DNAH3: variants seen among roughly 807,000 people sequenced by gnomAD.
DNAH3 encodes axonemal beta dynein heavy chain 3.
DNAH3 carries 332 observed loss-of-function variants against 432.5 expected under a neutral mutation model. The observed-to-expected ratio is 0.77, with a 90% CI of 0.70 to 0.84. The LOEUF (loss-of-function observed/expected upper bound fraction) is 0.84. Ranked by LOEUF, DNAH3 falls within the 40% of genes least tolerant of loss-of-function variation. DNAH3 has a pLI of 0.00. For missense variants in DNAH3, 4,861 were observed against 5,114.0 expected (o/e 0.95, Z 1.51); for synonymous variants, 1,956 against 1,900.2 (o/e 1.03, Z -0.76).
At chr16:20,985,114 A>T (rs1160360540) in exon 48 of DNAH3, 1 of 1,614,098 alleles carries the variant, frequency 6.2e-7, no homozygotes, top group South Asian at 1.1e-5. Flanking sequence ...AAGAGGAGTG[A>T]CTTCAACCTT....
intron 59 of DNAH3, among the ~76,000 whole-genome samples, chr16:20,938,428 G>C (rs1020578890): frequency 1.7e-4 from 26 of 151,564 alleles, no homozygotes; most frequent in Admixed American, 1.7e-3. Context: ...ATTCAGACAT[G>C]TGTTTGCTAA....
chr16:21,106,758 T>C, intron 14 of DNAH3, 84 bp from the exon 15 acceptor site: 1 of 1,177,694 alleles, frequency 8.5e-7, no homozygotes, highest in Non-Finnish European at 1.1e-6. Context: ...AGACTCCATG[T>C]TCAAAATACA....
At chr16:21,028,681 T>A (rs1300477840) in intron 37 of DNAH3, among the ~76,000 whole-genome samples, 3 of 150,910 alleles carry the variant, frequency 2.0e-5, no homozygotes, top group Non-Finnish European at 4.4e-5. Flanking sequence ...AGAAAAATCA[T>A]CAGAATTTCT....
At chr16:21,114,361 G>A (rs1597402410) in intron 12 of DNAH3, among the ~76,000 whole-genome samples, 1 of 79,194 alleles carries the variant, frequency 1.3e-5, no homozygotes, top group Non-Finnish European at 2.6e-5. Context: ...TGGCTGGACA[G>A]TTTCCCCAAA....
Position 21,058,208 on chromosome 16 carries a change from C to G in DNAH3, c.3814-12G>C. The G allele has an allele frequency of 6.6e-7, 1 of 1,520,728 alleles. No homozygotes were observed. The highest frequency in any genetic ancestry group is 9.1e-7 in the Non-Finnish European group (1 of 1,095,012). 94.2% of individuals were successfully genotyped at this position (1,520,728 alleles called of 1,614,324 possible). The stretch of plus-strand genomic sequence containing the variant: ...TGATTTCGAGGGACCTGGAAAAGCA[C>G]AGTGGGCATGTTATAGGATCAGTTC... On this transcript the variant is annotated splice_polypyrimidine_tract_variant and intron_variant, in intron 26 of 61. Transcript: ENST00000261383.
intron 57 of DNAH3, among the ~76,000 whole-genome samples, chr16:20,945,244 C>T (rs1275135636): frequency 6.6e-6 from 1 of 152,170 alleles, no homozygotes; most frequent in African/African-American, 2.4e-5. Context: ...AATGCATTAG[C>T]ATGCTATGAG....
chr16:21,020,086 T>A (rs575916242), intron 40 of DNAH3, among the ~76,000 whole-genome samples: 1 of 150,550 alleles, frequency 6.6e-6, no homozygotes, highest in African/African-American at 2.4e-5. Flanking sequence ...AGTGGTGCAG[T>A]CACAGCTCAC....
At chr16:21,154,932 ATCT>A (rs997047427) in intron 1 of DNAH3, among the ~76,000 whole-genome samples, 2 of 149,796 alleles carry the variant, frequency 1.3e-5, no homozygotes, top group Non-Finnish European at 3.0e-5. Context: ...AAGTTTCTCA[ATCT>A]TCTTTTTCTT....
chr16:20,970,262 T>C (rs2085278136), intron 51 of DNAH3, among the ~76,000 whole-genome samples: 1 of 152,208 alleles, frequency 6.6e-6, no homozygotes, highest in African/African-American at 2.4e-5. Context: ...CAGTAGCTCA[T>C]GCCTGTAATC....
exon 50 of DNAH3, chr16:20,979,495 G>C (rs749092540): frequency 6.2e-7 from 1 of 1,614,074 alleles, no homozygotes; most frequent in Non-Finnish European, 8.5e-7. Flanking sequence ...TGTAATAATC[G>C]AGTGACAGCT....
intron 20 of DNAH3, among the ~76,000 whole-genome samples, chr16:21,080,327 T>G (rs1439160673): frequency 6.7e-6 from 1 of 148,464 alleles, no homozygotes; most frequent in African/African-American, 2.5e-5. Flanking sequence ...TAAAATAAAG[T>G]TTCTAGTAGC....
intron 1 of DNAH3, 88 bp from the exon 2 acceptor site, chr16:21,150,622 CA>C: frequency 5.3e-6 from 1 of 189,872 alleles, no homozygotes; most frequent in South Asian, 1.0e-4. Flanking sequence ...CCTAGTCCCC[CA>C]GCGGTGGCCA....
chr16:20,946,426 T>C (rs955778739), intron 57 of DNAH3, among the ~76,000 whole-genome samples: 2 of 152,144 alleles, frequency 1.3e-5, no homozygotes, highest in Admixed American at 1.3e-4. Context: ...CTCCCTAAAA[T>C]GTATAAAATC....
intron 14 of DNAH3, among the ~76,000 whole-genome samples, chr16:21,110,531 T>C (rs987405920): frequency 1.1e-4 from 17 of 152,140 alleles, no homozygotes; most frequent in Admixed American, 4.6e-4. Context: ...GAGAGAGGAA[T>C]TGCATCCTAA....
At chr16:21,028,072 G>A (rs544297822) in intron 37 of DNAH3, among the ~76,000 whole-genome samples, 37 of 152,130 alleles carry the variant, frequency 2.4e-4, no homozygotes, top group African/African-American at 8.9e-4. Flanking sequence ...CTCCATCCTC[G>A]ACCTTTGGGG....
chr16:21,142,836 T>C (rs968338670), intron 3 of DNAH3, among the ~76,000 whole-genome samples: 2 of 152,084 alleles, frequency 1.3e-5, no homozygotes, highest in African/African-American at 4.8e-5. Context: ...CTATCTTTTG[T>C]AGAGACGGGG....
At chr16:21,112,952 C>A (rs1008016260) in intron 12 of DNAH3, among the ~76,000 whole-genome samples, 3 of 152,130 alleles carry the variant, frequency 2.0e-5, no homozygotes. Flanking sequence ...ACCTGTACCC[C>A]CATTGTATCT....
chr16:21,106,386 CT>C, intron 15 of DNAH3, 103 bp downstream of exon 15: 1 of 978,908 alleles, frequency 1.0e-6, no homozygotes, highest in Non-Finnish European at 1.4e-6. Flanking sequence ...CACTTTACCC[CT>C]AAATATATAA....
chr16:21,098,700 C>T (rs1209053009), exon 17 of DNAH3: 1 of 1,613,982 alleles, frequency 6.2e-7, no homozygotes, highest in Admixed American at 1.7e-5. Context: ...CTGTAGTCAT[C>T]ACTTCGCGCT....
Sources: allele counts gnomAD v4.1 joint callset (sites outside exome capture counted in the v4.1 genomes callset), GRCh38; gene constraint gnomAD v4.1.1; transcripts MANE v1.5; gene names NCBI Gene and HGNC (gene_info 2026-07-23, HGNC 2026-07-21).